Variants in HPCAL1 observed in about 807,000 individuals in gnomAD.
HPCAL1 encodes the protein hippocalcin like 1.
In HPCAL1, 8 loss-of-function variants were observed where a neutral mutation model predicts 17.1. The ratio of observed to expected loss-of-function variants is 0.47; its 90% confidence interval spans 0.27 to 0.84. HPCAL1 has a LOEUF of 0.84. Ranked by LOEUF, HPCAL1 falls within the 40% of genes least tolerant of loss-of-function variation. The probability of loss-of-function intolerance (pLI) is 0.13; values close to 1 mark genes in which losing one functional copy is unlikely to be tolerated. For synonymous variants in HPCAL1, 112 were observed against 111.4 expected, an observed-to-expected ratio of 1.01 and a Z score of -0.03; for missense variants, 165 against 271.1, an observed-to-expected ratio of 0.61 and a Z score of 2.75.
At chr2:10,382,307 A>G (rs1668002986) in intron 1 of HPCAL1, among the ~76,000 whole-genome samples, 1 of 152,194 alleles carries the variant, frequency 6.6e-6, no homozygotes, top group African/African-American at 2.4e-5. Context: ...CAGGCAGAGC[A>G]CAGGGCATTT....
chr2:10,401,314 A>G (rs1002896807), intron 2 of HPCAL1, among the ~76,000 whole-genome samples: 2 of 152,148 alleles, frequency 1.3e-5, no homozygotes, highest in African/African-American at 4.8e-5. Context: ...GTTACCCCCT[A>G]GAATATTCTT....
intron 1 of HPCAL1, among the ~76,000 whole-genome samples, chr2:10,355,127 G>T (rs1666062708): frequency 6.6e-6 from 1 of 152,192 alleles, no homozygotes; most frequent in Non-Finnish European, 1.5e-5. Flanking sequence ...AAAGAGAGGG[G>T]ACATTTGAAT....
intron 1 of HPCAL1, among the ~76,000 whole-genome samples, chr2:10,361,844 G>C (rs1192998189): frequency 1.3e-5 from 2 of 151,828 alleles, no homozygotes; most frequent in African/African-American, 4.8e-5. Flanking sequence ...GGCTTCCTGA[G>C]TAGCTGGGAT....
chr2:10,407,761 G>C (rs1670059139), intron 2 of HPCAL1, among the ~76,000 whole-genome samples: 1 of 152,208 alleles, frequency 6.6e-6, no homozygotes, highest in Non-Finnish European at 1.5e-5. Context: ...AACTGCAGGT[G>C]CGAAGGCCCT....
At chr2:10,312,442 CATT>C (rs1230805724) in intron 1 of HPCAL1, among the ~76,000 whole-genome samples, 6 of 151,114 alleles carry the variant, frequency 4.0e-5, no homozygotes, top group African/African-American at 1.2e-4. Context: ...TCACTATCAT[CATT>C]ATCACCATCA....
In HPCAL1 at chr2:10,399,842, G is replaced by A. The variant is rs557862467; in HGVS notation, c.-25+2922G>A. 9.0e-4 allele frequency among the ~76,000 whole-genome samples: 137 copies of A among 152,220 alleles called. 1 individual carries two copies. Among genetic ancestry groups the A allele is most frequent in the African/African-American group, 3.2e-3 (131 of 41,536 alleles). ...CCTCTCCACGTCCCCAGACACTCATGCGTTCCTTCCCTTGAGGTGGGTTCA... is the reference window on the plus strand; with the variant it reads ...CCTCTCCACGTCCCCAGACACTCATACGTTCCTTCCCTTGAGGTGGGTTCA... On this transcript the variant is annotated intron_variant, in intron 2 of 4. Coordinates refer to ENST00000307845, the MANE Select transcript of HPCAL1 (RefSeq NM_002149.4).
At chr2:10,319,270 C>G (rs952718384) in intron 1 of HPCAL1, among the ~76,000 whole-genome samples, 1 of 152,174 alleles carries the variant, frequency 6.6e-6, no homozygotes, top group Non-Finnish European at 1.5e-5. Context: ...CATTTTCCCT[C>G]TGCAAGATGT....
At chr2:10,385,606 A>C (rs553570848) in intron 1 of HPCAL1, among the ~76,000 whole-genome samples, 1 of 152,146 alleles carries the variant, frequency 6.6e-6, no homozygotes, top group Admixed American at 6.5e-5. Context: ...AGCTGTCTGC[A>C]TGGACGATGG....
chr2:10,409,113 C>T (rs1031703137), intron 2 of HPCAL1, among the ~76,000 whole-genome samples: 1 of 151,986 alleles, frequency 6.6e-6, no homozygotes, highest in African/African-American at 2.4e-5. Flanking sequence ...CGTCAAAATC[C>T]GGCGTGTATT....
intron 1 of HPCAL1, among the ~76,000 whole-genome samples, chr2:10,340,032 G>A (rs1028131133): frequency 1.3e-5 from 2 of 152,220 alleles, no homozygotes; most frequent in Non-Finnish European, 2.9e-5. Context: ...TGTTGATCTG[G>A]TAAAATCTGT....
intron 1 of HPCAL1, among the ~76,000 whole-genome samples, chr2:10,308,412 A>C (rs1051600534): frequency 7.9e-5 from 12 of 152,068 alleles, no homozygotes; most frequent in African/African-American, 2.9e-4. Context: ...TCTTTTGTAC[A>C]AACTCCCTGT....
At chr2:10,313,066 A>T (rs1663091242) in intron 1 of HPCAL1, among the ~76,000 whole-genome samples, 1 of 152,214 alleles carries the variant, frequency 6.6e-6, no homozygotes, top group Non-Finnish European at 1.5e-5. Flanking sequence ...TCAGGACAGG[A>T]TGAGTATAGG....
At chr2:10,311,868 C>T (rs1662982748) in intron 1 of HPCAL1, among the ~76,000 whole-genome samples, 2 of 148,196 alleles carry the variant, frequency 1.3e-5, no homozygotes, top group African/African-American at 2.5e-5. Flanking sequence ...CATCCCCATC[C>T]CCATCATCAT....
chr2:10,398,973 G>C (rs907964456), intron 2 of HPCAL1, among the ~76,000 whole-genome samples: 24 of 151,994 alleles, frequency 1.6e-4, no homozygotes, highest in African/African-American at 5.6e-4. Context: ...GGAACATCTG[G>C]GTCCGTGTTA....
intron 1 of HPCAL1, among the ~76,000 whole-genome samples, chr2:10,316,159 G>A (rs528625468): frequency 2.0e-5 from 3 of 152,212 alleles, no homozygotes; most frequent in African/African-American, 4.8e-5. Flanking sequence ...GAGCCATCTC[G>A]GCGCCTGCTG....
intron 1 of HPCAL1, among the ~76,000 whole-genome samples, chr2:10,324,816 G>GGTT (rs1663892590): frequency 1.5e-5 from 1 of 66,388 alleles, no homozygotes; most frequent in Non-Finnish European, 2.5e-5. Context: ...TGGTTTTTGT[G>GGTT]TTTTTTTTTT....
chr2:10,423,937 A>G (rs1671234571), intron 4 of HPCAL1: 1 of 153,572 alleles, frequency 6.5e-6, no homozygotes, highest in African/African-American at 2.4e-5. Context: ...CTAAAAATAC[A>G]AAAAAATTAG....
chr2:10,359,030 T>TCGAGG lies in HPCAL1; in HGVS notation c.-110-37805_-110-37804insCGAGG, dbSNP rs1349899908. 7.0e-3 allele frequency among the ~76,000 whole-genome samples: 1,026 copies of TCGAGG among 146,638 alleles called. 69 individuals are homozygous for TCGAGG. Among genetic ancestry groups the TCGAGG allele is most frequent in the African/African-American group, 0.027 (978 of 36,896 alleles). On this transcript the variant is annotated intron_variant, in intron 1 of 4. Coordinates refer to ENST00000307845, the MANE Select transcript of HPCAL1 (RefSeq NM_002149.4). The surrounding 1 kb of genome is among the most constrained non-coding windows in gnomAD (Gnocchi z 4.1). ...CAGCCTGCCCGTCTGCATGCTCCCC[T>TCGAGG]TGAGGTTTGACCCGTCTGCATGCTC...
intron 1 of HPCAL1, among the ~76,000 whole-genome samples, chr2:10,338,117 G>C (rs1247286403): frequency 6.6e-6 from 1 of 152,128 alleles, no homozygotes; most frequent in Non-Finnish European, 1.5e-5. Context: ...GTGTACATGA[G>C]CGGTGCAGAA....
Sources: allele counts gnomAD v4.1 joint callset (sites outside exome capture counted in the v4.1 genomes callset), GRCh38; gene constraint gnomAD v4.1.1; non-coding constraint Gnocchi (gnomAD v3.1); transcripts MANE v1.5; gene names NCBI Gene and HGNC (gene_info 2026-07-23, HGNC 2026-07-21).